The following RPS20 variants were observed in gnomAD, a reference collection of about 807,000 sequenced individuals.
RPS20 encodes small ribosomal subunit protein uS10.
Under a neutral mutation model 15.3 loss-of-function variants are expected in RPS20, and 3 were observed. That is an observed-to-expected ratio of 0.20 (90% CI 0.09 to 0.51). The LOEUF (loss-of-function observed/expected upper bound fraction) is 0.51. Among genes scored for constraint, RPS20 ranks in the 20% least tolerant of loss-of-function variants. The pLI is 0.96. For synonymous variants in RPS20, 62 were observed against 47.8 expected, an observed-to-expected ratio of 1.30 and a Z score of -1.23; for missense variants, 67 against 145.9, an observed-to-expected ratio of 0.46 and a Z score of 2.79.
In RPS20 at chr8:56,073,165, A is replaced by C. The variant is rs1809813897; in HGVS notation, c.285T>G (p.Ser95=). 1 of 1,599,304 alleles carries C rather than the reference A, an allele frequency of 6.3e-7. No homozygotes were observed. The highest frequency in any genetic ancestry group is 8.5e-7 in the Non-Finnish European group (1 of 1,179,678). Residue 95 remains serine (S), a synonymous_variant, in exon 4 of 4, where the codon TCT becomes TCG. Transcript: ENST00000009589. The stretch of plus-strand genomic sequence containing the variant: ...TGGAAGTAATCTGCTTAACAATCTC[A>C]GAAGGACTGTGCAAGTCAATGAGTC... ...HKRLIDLHSP[S]EIVKQITSIS... is the part of the protein sequence containing the mutation.
chr8:56,073,995 T>A, intron 2 of RPS20, 65 bp downstream of exon 2: 1 of 1,309,996 alleles, frequency 7.6e-7, no homozygotes, highest in South Asian at 1.2e-5. Context: ...ACACTAACAT[T>A]AACGAGTAAA....
chr8:56,073,607 A>G (rs1458991818), intron 3 of RPS20, 88 bp downstream of exon 3: 3 of 1,082,436 alleles, frequency 2.8e-6, no homozygotes, highest in Non-Finnish European at 4.3e-6. Context: ...CAGTGTTAAC[A>G]ATTTTGGCAG....
chr8:56,074,476 C>G lies in RPS20; in HGVS notation c.-93G>C. ...CAGGAGCGTGCGGACCAAAAATCCT[C>G]AGCCCTTACGACCGCGTCTTCCTCA... On this transcript the variant is annotated 5_prime_UTR_variant, in exon 1 of 4. Coordinates refer to ENST00000009589, the MANE Select transcript of RPS20 (RefSeq NM_001023.4). 2.1e-6 allele frequency: 3 copies of G among 1,407,880 alleles called. No individual in the cohort carries two copies. In the South Asian group the frequency reaches 3.7e-5, roughly 18 times the overall value. The allele number at this position is 1,407,880 out of a possible 1,614,324, so 87.2% of individuals were successfully genotyped here. A position where few individuals can be genotyped will look rare whatever the true frequency, so the allele number is the denominator to read the frequency against.
At chr8:56,073,351 A>T (rs993081450) in intron 3 of RPS20, 79 bp from the exon 4 acceptor site, 1 of 924,668 alleles carries the variant, frequency 1.1e-6, no homozygotes, top group Non-Finnish European at 1.7e-6. Flanking sequence ...CATTACTTCT[A>T]ATCATTTCAT....
At chr8:56,070,126 G>A (rs368257914), downstream of RPS20, among the ~76,000 whole-genome samples, 3 of 151,216 alleles carry the variant, frequency 2.0e-5, no homozygotes, top group Admixed American at 2.0e-4. Context: ...ATGCAGTATC[G>A]TGGGCCAGCT....
chr8:56,068,021 A>G (rs576038419), exon 6 of RPS20: 121 of 152,346 alleles, frequency 7.9e-4, no homozygotes, highest in African/African-American at 2.9e-3. Flanking sequence ...TAGAAAATGT[A>G]TGAGTAAAAT....
chr8:56,072,629 TTTAGTTCCTAAAAC>T (rs1809797488), downstream of RPS20, among the ~76,000 whole-genome samples: 1 of 152,078 alleles, frequency 6.6e-6, no homozygotes, highest in African/African-American at 2.4e-5. Context: ...TAAACTAAGT[TTTAGTTCCTAAAAC>T]CCTAAAACTT....
In RPS20 at chr8:56,074,456, G is replaced by A. The variant is rs527891622; in HGVS notation, c.-73C>T. The A allele has an allele frequency of 1.8e-3, 2,743 of 1,514,966 alleles. 6 individuals carry two copies. Among genetic ancestry groups the A allele is most frequent in the Non-Finnish European group, 2.2e-3 (2,444 of 1,130,964 alleles). 93.8% of individuals were successfully genotyped at this position (1,514,966 alleles called of 1,614,324 possible). On this transcript the variant is annotated 5_prime_UTR_variant, in exon 1 of 4. Transcript: ENST00000009589. ...GAACAGCGGTGAGTCAGGAGCAGGAGCGTGCGGACCAAAAATCCTCAGCCC... is the reference window on the plus strand; with the variant it reads ...GAACAGCGGTGAGTCAGGAGCAGGAACGTGCGGACCAAAAATCCTCAGCCC...
At chr8:56,069,268 A>G (rs1482351743), downstream of RPS20, among the ~76,000 whole-genome samples, 1 of 151,694 alleles carries the variant, frequency 6.6e-6, no homozygotes, top group Non-Finnish European at 1.5e-5. Context: ...TTTGAGACTG[A>G]GTTTAGCTCT....
intron 1 of RPS20, 29 bp from the exon 2 acceptor site, chr8:56,074,188 T>C (rs774637803): frequency 2.5e-6 from 4 of 1,589,992 alleles, no homozygotes; most frequent in East Asian, 2.2e-5. Flanking sequence ...AAAAGAACAA[T>C]AAGCCAAAAA....
At chr8:56,073,582 G>GT in intron 3 of RPS20, 113 bp downstream of exon 3, 1 of 843,718 alleles carries the variant, frequency 1.2e-6, no homozygotes, top group Non-Finnish European at 2.0e-6. Flanking sequence ...TTCTATGTGC[G>GT]TTTGTAGACA....
downstream of RPS20, among the ~76,000 whole-genome samples, chr8:56,069,138 G>C (rs1585718357): frequency 1.3e-5 from 2 of 152,070 alleles, no homozygotes; most frequent in Non-Finnish European, 2.9e-5. Flanking sequence ...AAAAGGTATA[G>C]AAGGATCTGG....
rs34275230 is a variant in RPS20, at chr8:56,073,675, GC to G, written c.177+19del. The G allele has an allele frequency of 1.9e-6, 3 of 1,604,636 alleles. No individual in the cohort carries two copies. ...CATCCGGAAGCAACTCCTACTTCCT[GC>G]CCCTCCGATTTACTTTACCTTGGTA... On this transcript the variant is annotated intron_variant, in intron 3 of 3. Coordinates refer to ENST00000009589, the MANE Select transcript of RPS20 (RefSeq NM_001023.4).
chr8:56,069,066 TGAA>T (rs750061524), downstream of RPS20, among the ~76,000 whole-genome samples: 1 of 151,598 alleles, frequency 6.6e-6, no homozygotes, highest in Non-Finnish European at 1.5e-5. Context: ...TTTAAGTTAA[TGAA>T]GAAGGATATG....
chr8:56,073,918 A>G lies in RPS20; in HGVS notation c.103+142T>C, dbSNP rs780479883. The G allele has an allele frequency of 3.8e-5, 41 of 1,081,378 alleles. No individual in the cohort carries two copies. The African/African-American group carries it at 4.5e-4, about 12-fold the overall frequency. The allele number at this position is 1,081,378 out of a possible 1,614,324, so 67.0% of individuals were successfully genotyped here. A position where few individuals can be genotyped will look rare whatever the true frequency, so the allele number is the denominator to read the frequency against. Reference sequence around the variant, plus strand: ...TCATCGCCAGCTGTATGACAGTAAAAGCAATTTTAAGCCACGCTTTACTTT... The same window carrying G: ...TCATCGCCAGCTGTATGACAGTAAAGGCAATTTTAAGCCACGCTTTACTTT... On this transcript the variant is annotated intron_variant, in intron 2 of 3. Coordinates refer to ENST00000009589, the MANE Select transcript of RPS20 (RefSeq NM_001023.4).
At chr8:56,070,672 C>A (rs552648444), downstream of RPS20, among the ~76,000 whole-genome samples, 2 of 150,474 alleles carry the variant, frequency 1.3e-5, no homozygotes, top group Admixed American at 1.3e-4. Flanking sequence ...AAGGCTGCAG[C>A]GAGCCATGTT....
At chr8:56,073,452 A>ACAC in intron 3 of RPS20, 180 bp from the exon 4 acceptor site, 1 of 638,110 alleles carries the variant, frequency 1.6e-6, no homozygotes, top group Non-Finnish European at 2.7e-6. Flanking sequence ...CTGTGCTAGG[A>ACAC]CACCACCCTT....
chr8:56,071,463 AC>A (rs761749564), downstream of RPS20, among the ~76,000 whole-genome samples: 44 of 152,138 alleles, frequency 2.9e-4, no homozygotes, highest in Non-Finnish European at 5.0e-4. Context: ...TTCATTCCAG[AC>A]TCAGTTCCAT....
rs1199371625 is a variant in RPS20, at chr8:56,073,174, G to A, written c.276C>T (p.His92=). Residue 92 remains histidine, a synonymous_variant, in exon 4 of 4, where the codon CAC becomes CAT. Coordinates refer to ENST00000009589, the MANE Select transcript of RPS20 (RefSeq NM_001023.4). The stretch of plus-strand genomic sequence containing the variant: ...TCTGCTTAACAATCTCAGAAGGACT[G>A]TGCAAGTCAATGAGTCGCTTGTGAA... ...MRIHKRLIDL[H]SPSEIVKQIT... is the part of the protein sequence containing the mutation. 1.3e-6 allele frequency: 2 copies of A among 1,599,686 alleles called. No homozygotes were observed. Among genetic ancestry groups the A allele is most frequent in the East Asian group, 2.2e-5 (1 of 44,888 alleles).
Sources: allele counts gnomAD v4.1 joint callset (sites outside exome capture counted in the v4.1 genomes callset), GRCh38; gene constraint gnomAD v4.1.1; transcripts MANE v1.5; gene names NCBI Gene and HGNC (gene_info 2026-07-23, HGNC 2026-07-21).